The following VPS13B variants were observed in gnomAD, a reference collection of about 807,000 sequenced individuals.
VPS13B encodes intermembrane lipid transfer protein VPS13B.
In VPS13B, 285 loss-of-function variants were observed where a neutral mutation model predicts 426.4. The ratio of observed to expected loss-of-function variants is 0.67; its 90% CI spans 0.61 to 0.74. The LOEUF (loss-of-function observed/expected upper bound fraction) is 0.74, where lower values mean the gene tolerates loss of function less well. VPS13B is among the 30% of genes least tolerant of loss of function. The pLI, the probability that VPS13B is intolerant of heterozygous loss-of-function variation, is 0.00. For missense variants in VPS13B, 4,537 were observed against 4,782.6 expected (o/e 0.95, Z 1.51); for synonymous variants, 1,676 against 1,676.4 (o/e 1.00, Z 0.01).
At chr8:99,583,112 C>A (rs999080977) in intron 33 of VPS13B, among the ~76,000 whole-genome samples, 1 of 152,064 alleles carries the variant, frequency 6.6e-6, no homozygotes, top group South Asian at 2.1e-4. Context: ...CTCTGCTTTT[C>A]CCCCCAGAGC....
At chr8:99,227,345 C>A (rs780331337) in intron 17 of VPS13B, among the ~76,000 whole-genome samples, 1 of 152,140 alleles carries the variant, frequency 6.6e-6, no homozygotes, top group South Asian at 2.1e-4. Context: ...TAATATAATT[C>A]ATACATGTTT....
chr8:99,380,730 G>C (rs1288113538), intron 19 of VPS13B, among the ~76,000 whole-genome samples: 1 of 151,588 alleles, frequency 6.6e-6, no homozygotes, highest in Non-Finnish European at 1.5e-5. Flanking sequence ...CATAGGGCTT[G>C]TTATTAATAG....
intron 33 of VPS13B, among the ~76,000 whole-genome samples, chr8:99,626,074 A>G (rs940147130): frequency 6.6e-6 from 1 of 152,234 alleles, no homozygotes; most frequent in Non-Finnish European, 1.5e-5. Flanking sequence ...AAACTCTTAG[A>G]AGAAAACATA....
intron 2 of VPS13B, among the ~76,000 whole-genome samples, chr8:99,030,097 TTGTC>T (rs1563493613): frequency 6.6e-6 from 1 of 151,432 alleles, no homozygotes; most frequent in East Asian, 1.9e-4. Flanking sequence ...TTTATATGCT[TTGTC>T]TGTTCTCTTC....
chr8:99,355,877 G>A (rs547851630), intron 19 of VPS13B, among the ~76,000 whole-genome samples: 3 of 152,074 alleles, frequency 2.0e-5, no homozygotes, highest in East Asian at 3.9e-4. Context: ...ATGTTTTCTT[G>A]TGTGTTTGCT....
At chr8:99,712,913 G>A (rs573807212) in intron 36 of VPS13B, among the ~76,000 whole-genome samples, 1 of 151,940 alleles carries the variant, frequency 6.6e-6, no homozygotes, top group South Asian at 2.1e-4. Context: ...ACGTTGGGGG[G>A]GTTAAGAAGA....
intron 41 of VPS13B, among the ~76,000 whole-genome samples, chr8:99,777,721 A>C (rs777783526): frequency 6.6e-6 from 1 of 152,186 alleles, no homozygotes; most frequent in African/African-American, 2.4e-5. Context: ...GCACAGTCTC[A>C]AATTAATTTA....
chr8:99,558,334 A>G (rs1040353863), intron 31 of VPS13B, among the ~76,000 whole-genome samples: 2 of 152,174 alleles, frequency 1.3e-5, no homozygotes, highest in Non-Finnish European at 1.5e-5. Context: ...TGTACCTGTA[A>G]CTGTCATAAC....
intron 22 of VPS13B, among the ~76,000 whole-genome samples, chr8:99,439,901 A>G (rs73271305): frequency 0.022 from 3,355 of 152,254 alleles, 103 homozygotes; most frequent in African/African-American, 0.071. Flanking sequence ...ACAGAGGCAT[A>G]TATCTTTCAA....
chr8:99,055,864 G>A (rs940201840), intron 3 of VPS13B, among the ~76,000 whole-genome samples: 3 of 151,342 alleles, frequency 2.0e-5, no homozygotes, highest in African/African-American at 7.3e-5. Context: ...CTAGTAGCTG[G>A]GACCACGGGC....
At chr8:99,138,550 A>G (rs1345753260) in intron 12 of VPS13B, among the ~76,000 whole-genome samples, 2 of 152,232 alleles carry the variant, frequency 1.3e-5, no homozygotes, top group East Asian at 3.8e-4. Context: ...TTGTTTAAAA[A>G]CAAAATTTAA....
intron 16 of VPS13B, among the ~76,000 whole-genome samples, chr8:99,180,273 G>A (rs376202581): frequency 2.6e-5 from 4 of 151,990 alleles, no homozygotes; most frequent in Non-Finnish European, 4.4e-5. Flanking sequence ...GGCTCATATC[G>A]AGCAAGTATA....
At chr8:99,817,878 A>G in intron 45 of VPS13B, 75 bp downstream of exon 45, 1 of 1,605,676 alleles carries the variant, frequency 6.2e-7, no homozygotes. Context: ...TTACTCGTAC[A>G]GCACTTAATT....
chr8:99,300,657 C>T (rs1820309774), intron 19 of VPS13B, among the ~76,000 whole-genome samples: 1 of 152,126 alleles, frequency 6.6e-6, no homozygotes, highest in African/African-American at 2.4e-5. Context: ...GATGAATCAT[C>T]CTGCATTCTC....
At chr8:99,248,902 A>C (rs944385945) in intron 17 of VPS13B, among the ~76,000 whole-genome samples, 2 of 151,968 alleles carry the variant, frequency 1.3e-5, no homozygotes, top group Non-Finnish European at 2.9e-5. Context: ...TGACATTTAC[A>C]TACAATCAAC....
At chr8:99,441,176 C>T (rs1461707319) in intron 22 of VPS13B, among the ~76,000 whole-genome samples, 1 of 151,928 alleles carries the variant, frequency 6.6e-6, no homozygotes, top group African/African-American at 2.4e-5. Flanking sequence ...AAAATTTTAC[C>T]TGTATTTTTC....
rs1242776535 is a variant in VPS13B at position 99,876,946 on chromosome 8, C to T, written c.*1280C>T. 6.6e-6 allele frequency: 1 copy of T among 152,196 alleles called. No individual in the cohort carries two copies. Among genetic ancestry groups the T allele is most frequent in the Non-Finnish European group, 1.5e-5 (1 of 68,052 alleles). 9.4% of individuals were successfully genotyped at this position (152,196 alleles called of 1,614,324 possible). A position where few individuals can be genotyped will look rare whatever the true frequency, so the allele number is the denominator to read the frequency against. ...GGCTCACTGCAGCTTAAGCTCACTGCCTGGGCTCAAGTGATCTTACTCCAG... is the reference window on the plus strand; with the variant it reads ...GGCTCACTGCAGCTTAAGCTCACTGTCTGGGCTCAAGTGATCTTACTCCAG... On this transcript the variant is annotated 3_prime_UTR_variant, in exon 62 of 62. Coordinates refer to ENST00000357162, the MANE Select transcript of VPS13B (RefSeq NM_152564.5).
At chr8:99,162,170 T>C (rs565265634) in intron 15 of VPS13B, among the ~76,000 whole-genome samples, 1 of 152,316 alleles carries the variant, frequency 6.6e-6, no homozygotes, top group African/African-American at 2.4e-5. Context: ...TATACGGCTA[T>C]TGTGATGTGA....
intron 17 of VPS13B, among the ~76,000 whole-genome samples, chr8:99,219,793 A>C (rs1815600446): frequency 6.6e-6 from 1 of 152,224 alleles, no homozygotes; most frequent in African/African-American, 2.4e-5. Flanking sequence ...ATGGCAATTA[A>C]ATTTCAATAT....
Sources: gnomAD v4.1 joint callset for allele counts (sites outside exome capture counted in the v4.1 genomes callset) on GRCh38, gnomAD v4.1.1 for gene constraint, MANE v1.5 for transcripts, NCBI Gene and HGNC (gene_info 2026-07-23, HGNC 2026-07-21) for gene names.